The following SGCD variants were observed in gnomAD, a reference collection of about 807,000 sequenced individuals.
SGCD encodes the protein sarcoglycan delta.
A neutral mutation model predicts 36.6 loss-of-function variants in SGCD; 18 were observed. The ratio of observed to expected loss-of-function variants is 0.49; its 90% CI spans 0.34 to 0.73. The LOEUF is 0.73. Among genes scored for constraint, SGCD ranks in the 30% least tolerant of loss-of-function variants. The probability of loss-of-function intolerance (pLI) is 0.01; values close to 1 mark genes in which losing one functional copy is unlikely to be tolerated. For missense variants in SGCD, 387 were observed against 346.7 expected (o/e 1.12, Z -0.92); for synonymous variants, 133 against 130.6 (o/e 1.02, Z -0.12).
the SGCD span, among the ~76,000 whole-genome samples, chr5:155,765,944 C>G: frequency 6.6e-6 from 1 of 152,050 alleles, no homozygotes; most frequent in Non-Finnish European, 1.5e-5. Flanking sequence ...TGCATTTCCT[C>G]TTATGGGCTC....
At chr5:156,539,652 T>C (rs1758272049) in intron 4 of SGCD, among the ~76,000 whole-genome samples, 1 of 152,174 alleles carries the variant, frequency 6.6e-6, no homozygotes, top group East Asian at 1.9e-4. Context: ...CTTTATCCAC[T>C]TGTTGATTGA....
intron 3 of SGCD, among the ~76,000 whole-genome samples, chr5:156,286,183 A>G (rs367883139): frequency 7.2e-5 from 11 of 152,100 alleles, no homozygotes; most frequent in African/African-American, 2.2e-4. Context: ...AACAGGTGCT[A>G]GAGAGGATGT....
intron 3 of SGCD, among the ~76,000 whole-genome samples, chr5:156,347,179 A>G (rs1464875037): frequency 6.6e-6 from 1 of 152,196 alleles, no homozygotes; most frequent in East Asian, 1.9e-4. Flanking sequence ...TTTACATTCT[A>G]GAGAGCTTGC....
chr5:156,450,066 C>T (rs1308244671), intron 3 of SGCD, among the ~76,000 whole-genome samples: 1 of 152,036 alleles, frequency 6.6e-6, no homozygotes, highest in Non-Finnish European at 1.5e-5. Flanking sequence ...TGAGCACCCT[C>T]CTTTTGTAAC....
intron 2 of SGCD, among the ~76,000 whole-genome samples, chr5:156,337,120 C>G (rs1768394770): frequency 6.6e-6 from 1 of 152,138 alleles, no homozygotes; most frequent in Non-Finnish European, 1.5e-5. Flanking sequence ...TGAAAGCAAA[C>G]AGTTTTACCT....
intron 3 of SGCD, among the ~76,000 whole-genome samples, chr5:156,207,618 G>A (rs973864986): frequency 6.6e-6 from 1 of 151,936 alleles, no homozygotes; most frequent in Non-Finnish European, 1.5e-5. Flanking sequence ...TACCATTAAT[G>A]GCAAAAACCG....
chr5:156,349,751 C>A (rs1769139773), intron 3 of SGCD, among the ~76,000 whole-genome samples: 1 of 151,770 alleles, frequency 6.6e-6, no homozygotes, highest in South Asian at 2.1e-4. Context: ...GGTAACTACC[C>A]AAAAGAAAAA....
intron 3 of SGCD, among the ~76,000 whole-genome samples, chr5:156,192,416 A>G (rs1763913843): frequency 6.6e-6 from 1 of 152,136 alleles, no homozygotes; most frequent in Non-Finnish European, 1.5e-5. Flanking sequence ...TGAGAGCTAA[A>G]AAAGTTGATC....
At chr5:156,195,882 A>G (rs1764013435) in intron 3 of SGCD, among the ~76,000 whole-genome samples, 2 of 152,210 alleles carry the variant, frequency 1.3e-5, no homozygotes, top group African/African-American at 4.8e-5. Flanking sequence ...CAGAGGCAGC[A>G]GTTGATTCCC....
At chr5:156,019,005 A>G (rs970011861) in intron 1 of SGCD, among the ~76,000 whole-genome samples, 5 of 152,352 alleles carry the variant, frequency 3.3e-5, no homozygotes, top group African/African-American at 7.2e-5. Flanking sequence ...GAAATTCATA[A>G]TGTCCATAGA....
At chr5:156,311,705 GT>G (rs1319310002) in intron 3 of SGCD, among the ~76,000 whole-genome samples, 1 of 152,056 alleles carries the variant, frequency 6.6e-6, no homozygotes, top group Non-Finnish European at 1.5e-5. Flanking sequence ...CTGTATTTAA[GT>G]TCTATACAAT....
intron 3 of SGCD, among the ~76,000 whole-genome samples, chr5:156,448,024 A>G (rs1389995730): frequency 6.6e-5 from 10 of 152,174 alleles, no homozygotes; most frequent in Non-Finnish European, 1.3e-4. Context: ...GGGAGACAGA[A>G]TTCAAACTCA....
At chr5:156,322,407 G>A (rs1230990092), upstream of SGCD, among the ~76,000 whole-genome samples, 2 of 152,132 alleles carry the variant, frequency 1.3e-5, no homozygotes, top group Admixed American at 6.6e-5. Context: ...TAGGCATGGT[G>A]TAAGGAGTAA....
At chr5:156,634,413 T>A (rs1204425907) in intron 6 of SGCD, among the ~76,000 whole-genome samples, 1 of 152,028 alleles carries the variant, frequency 6.6e-6, no homozygotes, top group African/African-American at 2.4e-5. Flanking sequence ...TGCATATGTA[T>A]CCTAGAAATT....
chr5:155,851,805 C>G, the SGCD span, among the ~76,000 whole-genome samples: 1 of 152,186 alleles, frequency 6.6e-6, no homozygotes, highest in Non-Finnish European at 1.5e-5. Flanking sequence ...CAAGCTGAAT[C>G]TGTGGGAAAC....
intron 3 of SGCD, among the ~76,000 whole-genome samples, chr5:156,254,027 T>C (rs1765647741): frequency 6.6e-6 from 1 of 152,334 alleles, no homozygotes; most frequent in Non-Finnish European, 1.5e-5. Context: ...CAGAGTTCTA[T>C]ATAAACAATT....
intron 1 of SGCD, among the ~76,000 whole-genome samples, chr5:155,957,218 T>A (rs983682943): frequency 6.6e-6 from 1 of 152,064 alleles, no homozygotes; most frequent in Admixed American, 6.6e-5. Flanking sequence ...GAAGTCTGCG[T>A]AGTGAAGGTT....
In SGCD at chr5:156,477,126, G is replaced by A. The variant is rs1021134896; in HGVS notation, c.193-31475G>A. Among the ~76,000 whole-genome samples the A allele has an allele frequency of 3.3e-5, 5 of 151,758 alleles. No homozygotes were observed. In the East Asian group the frequency reaches 9.7e-4, roughly 29 times the overall value. ...AAAAGCAGTTTGAAAGAGCATTTCA[G>A]AGTCAGTGCTTTCTATGTTCTGTTG... On this transcript the variant is annotated intron_variant, in intron 3 of 8. Coordinates refer to ENST00000337851, the MANE Select transcript of SGCD (RefSeq NM_000337.6).
intron 1 of SGCD, among the ~76,000 whole-genome samples, chr5:155,954,299 CT>C (rs1475259989): frequency 6.6e-6 from 1 of 152,158 alleles, no homozygotes; most frequent in Non-Finnish European, 1.5e-5. Context: ...AAAAGGCACG[CT>C]TTTGCTTCTT....
Sources: allele counts gnomAD v4.1 joint callset (sites outside exome capture counted in the v4.1 genomes callset), GRCh38; gene constraint gnomAD v4.1.1; transcripts MANE v1.5; gene names NCBI Gene and HGNC (gene_info 2026-07-23, HGNC 2026-07-21).